The following LZTFL1 variants were observed in gnomAD, a reference collection of about 807,000 sequenced individuals.
LZTFL1 encodes leucine zipper transcription factor-like protein 1.
In LZTFL1, 25 loss-of-function variants were observed where a neutral mutation model predicts 45.9. That is an observed-to-expected ratio of 0.54 (90% CI 0.40 to 0.76). The LOEUF is 0.76. Ranked by LOEUF, LZTFL1 falls within the 30% of genes least tolerant of loss-of-function variation. The probability of loss-of-function intolerance (pLI) is 0.00; values close to 1 mark genes in which losing one functional copy is unlikely to be tolerated. For missense variants in LZTFL1, 277 were observed against 331.1 expected (o/e 0.84, Z 1.27); for synonymous variants, 93 against 117.4 (o/e 0.79, Z 1.35).
At chr3:45,879,769 ACT>A (rs1268063242) in intron 2 of LZTFL1, among the ~76,000 whole-genome samples, 4 of 151,962 alleles carry the variant, frequency 2.6e-5, no homozygotes, top group African/African-American at 9.7e-5. Flanking sequence ...GTATATAGGA[ACT>A]CTCTGTACCT....
chr3:45,892,772 G>A (rs771784804), intron 2 of LZTFL1, among the ~76,000 whole-genome samples: 49 of 152,072 alleles, frequency 3.2e-4, no homozygotes, highest in Non-Finnish European at 5.7e-4. Context: ...ACGTGGGTCC[G>A]TAGTGATCTC....
Position 45,901,807 on chromosome 3 carries a change from A to G in LZTFL1, c.-215+11313T>C. On this transcript the variant is annotated intron_variant, in intron 2 of 4. Coordinates refer to the LZTFL1 transcript ENST00000472635. This position sits in a 1 kb window ranked among gnomAD's most constrained non-coding sequence, Gnocchi z 4.3. ...CTGAAGAACTTGGGTTGCATCAGCC[A>G]GGCCCAGTGGGTTTCATTTACAAGG... is the stretch of plus-strand genomic sequence containing the variant. 1 of 1,614,156 alleles carries G rather than the reference A, an allele frequency of 6.2e-7. No homozygotes were observed. Among genetic ancestry groups the G allele is most frequent in the Non-Finnish European group, 8.5e-7 (1 of 1,180,004 alleles).
chr3:45,878,595 TAA>T (rs762444326), intron 2 of LZTFL1, among the ~76,000 whole-genome samples: 39 of 111,412 alleles, frequency 3.5e-4, no homozygotes, highest in Non-Finnish European at 4.4e-4. Flanking sequence ...GGCCCTCAAG[TAA>T]AAAAAAAAAA....
At chr3:45,910,199 C>T (rs1702766096) in intron 2 of LZTFL1, among the ~76,000 whole-genome samples, 1 of 152,080 alleles carries the variant, frequency 6.6e-6, no homozygotes, top group Non-Finnish European at 1.5e-5. Context: ...TGCAAGGAAG[C>T]AGGGATGCCA....
chr3:45,842,205 A>C, upstream of LZTFL1: 1 of 1,427,180 alleles, frequency 7.0e-7, no homozygotes, highest in Non-Finnish European at 9.2e-7. Context: ...GTATTGCGTA[A>C]CCGGTTGACT....
exon 1 of LZTFL1, chr3:45,915,464 C>T (rs1390401482): frequency 2.2e-6 from 1 of 455,118 alleles, no homozygotes; most frequent in Non-Finnish European, 4.4e-6. Flanking sequence ...GCTTCCTTCT[C>T]TCCTCCGAGG....
intron 7 of LZTFL1, 131 bp from the exon 8 acceptor site, chr3:45,828,746 C>A: frequency 2.6e-6 from 2 of 782,852 alleles, no homozygotes; most frequent in South Asian, 3.6e-5. Context: ...GCCTCCCTTG[C>A]CAGCCTAGGT....
upstream of LZTFL1, among the ~76,000 whole-genome samples, chr3:45,842,942 C>T (rs1410053352): frequency 6.6e-6 from 1 of 152,186 alleles, no homozygotes; most frequent in Admixed American, 6.5e-5. Flanking sequence ...GACTCAGAGT[C>T]CTTCACTCAC....
At chr3:45,835,355 A>C in intron 3 of LZTFL1, 1 of 449,426 alleles carries the variant, frequency 2.2e-6, no homozygotes. Context: ...CTGAAAAGCA[A>C]TTTCATAAAT....
Position 45,901,715 on chromosome 3 carries a change from C to A in LZTFL1, c.-215+11405G>T. The stretch of plus-strand genomic sequence containing the variant: ...TCACCCAGACCATCGCCTTCTTCCA[C>A]AGTTGCCTGAACCCTGTTCTCTATG... On this transcript the variant is annotated intron_variant, in intron 2 of 4. Coordinates refer to the LZTFL1 transcript ENST00000472635. The surrounding 1 kb of genome is among the most constrained non-coding windows in gnomAD (Gnocchi z 4.3). 1 of 1,614,198 alleles carries A rather than the reference C, an allele frequency of 6.2e-7. No homozygotes were observed. Among genetic ancestry groups the A allele is most frequent in the South Asian group, 1.1e-5 (1 of 91,088 alleles).
At chr3:45,847,488 A>G (rs1363612274) in intron 4 of LZTFL1, among the ~76,000 whole-genome samples, 1 of 152,256 alleles carries the variant, frequency 6.6e-6, no homozygotes, top group Non-Finnish European at 1.5e-5. Context: ...GGGGGCAAGT[A>G]GACCACTTCA....
intron 2 of LZTFL1, among the ~76,000 whole-genome samples, chr3:45,881,984 A>AT (rs1326619266): frequency 1.5e-4 from 23 of 152,246 alleles, no homozygotes; most frequent in Non-Finnish European, 1.0e-4. Flanking sequence ...TTAAATAACG[A>AT]TTTTAAAAAG....
At chr3:45,911,471 G>A (rs1337218352) in intron 2 of LZTFL1, among the ~76,000 whole-genome samples, 1 of 152,240 alleles carries the variant, frequency 6.6e-6, no homozygotes, top group Non-Finnish European at 1.5e-5. Context: ...GAGGAAGTAG[G>A]TAGTGGCACT....
chr3:45,838,076 T>G, intron 1 of LZTFL1, 25 bp from the exon 2 acceptor site: 1 of 1,574,404 alleles, frequency 6.4e-7, no homozygotes, highest in Non-Finnish European at 8.6e-7. Context: ...GGTAATTTAA[T>G]TGTTAGTTTT....
chr3:45,833,754 G>T (rs116262316), intron 4 of LZTFL1, among the ~76,000 whole-genome samples: 3 of 152,330 alleles, frequency 2.0e-5, no homozygotes, highest in African/African-American at 7.2e-5. Context: ...TATTTACGGT[G>T]TGCCCGTGAA....
chr3:45,908,706 C>T (rs753607442), intron 2 of LZTFL1, among the ~76,000 whole-genome samples: 4 of 152,240 alleles, frequency 2.6e-5, no homozygotes, highest in Non-Finnish European at 5.9e-5. Context: ...ACTGTCAACT[C>T]TCTGGTGAAG....
intron 4 of LZTFL1, among the ~76,000 whole-genome samples, chr3:45,851,071 C>A (rs745322393): frequency 7.2e-5 from 11 of 152,104 alleles, no homozygotes; most frequent in Non-Finnish European, 8.8e-5. Context: ...TGTCTGCTCC[C>A]CACACCCCAT....
At chr3:45,831,799 CT>C (rs977831375) in intron 5 of LZTFL1, among the ~76,000 whole-genome samples, 3 of 152,152 alleles carry the variant, frequency 2.0e-5, no homozygotes, top group Non-Finnish European at 4.4e-5. Context: ...TTAGGTACCC[CT>C]TTACCCAAGA....
intron 4 of LZTFL1, among the ~76,000 whole-genome samples, chr3:45,849,710 C>CA (rs1487189493): frequency 6.6e-6 from 1 of 152,048 alleles, no homozygotes; most frequent in Non-Finnish European, 1.5e-5. Context: ...AAATCATCCA[C>CA]AAAAAAGACT....
Sources: gnomAD v4.1 joint callset for allele counts (sites outside exome capture counted in the v4.1 genomes callset) on GRCh38, gnomAD v4.1.1 for gene constraint, Gnocchi (gnomAD v3.1) non-coding constraint, MANE v1.5 for transcripts, NCBI Gene and HGNC (gene_info 2026-07-23, HGNC 2026-07-21) for gene names.